NLGN4X: variants seen among roughly 807,000 people sequenced by gnomAD.
NLGN4X encodes neuroligin-4, X-linked.
Under a neutral mutation model 40.3 loss-of-function variants are expected in NLGN4X, and 3 were observed. The observed-to-expected ratio is 0.07, with a 90% CI of 0.03 to 0.19. The LOEUF (loss-of-function observed/expected upper bound fraction) is 0.19. Ranked by LOEUF, NLGN4X falls within the 10% of genes least tolerant of loss-of-function variation. NLGN4X has a pLI of 1.00. For missense variants in NLGN4X, 382 were observed against 708.3 expected, an observed-to-expected ratio of 0.54 and a Z score of 5.23; for synonymous variants, 270 against 306.8, an observed-to-expected ratio of 0.88 and a Z score of 1.25.
At chrX:5,920,811 G>C (rs2033000328) in intron 3 of NLGN4X, among the ~76,000 whole-genome samples, 1 of 110,940 alleles carries the variant, frequency 9.0e-6, no homozygotes, top group Non-Finnish European at 1.9e-5. Flanking sequence ...CCAAATGATT[G>C]AATCAATCCC....
chrX:6,166,842 C>G (rs923681239), intron 1 of NLGN4X, among the ~76,000 whole-genome samples: 2 of 110,339 alleles, frequency 1.8e-5, no homozygotes, highest in African/African-American at 6.6e-5. Context: ...GAGGCTGAGG[C>G]GGGAGGATCA....
intron 3 of NLGN4X, among the ~76,000 whole-genome samples, chrX:5,943,460 C>A (rs769531101): frequency 8.9e-6 from 1 of 111,824 alleles, no homozygotes; most frequent in African/African-American, 3.2e-5. Flanking sequence ...ATAACAAATG[C>A]GTGTGTTTTA....
At chrX:6,124,239 C>A (rs1418116681) in intron 2 of NLGN4X, among the ~76,000 whole-genome samples, 1 of 111,032 alleles carries the variant, frequency 9.0e-6, no homozygotes, top group Non-Finnish European at 1.9e-5. Flanking sequence ...TATATAAGTA[C>A]ATTTTATATA....
At chrX:6,168,205 C>G (rs1346129039) in intron 1 of NLGN4X, among the ~76,000 whole-genome samples, 1 of 111,806 alleles carries the variant, frequency 8.9e-6, no homozygotes, top group Non-Finnish European at 1.9e-5. Context: ...TTTCAATTGG[C>G]CCACCCCAGA....
chrX:5,894,759 T>C (rs2031396305), intron 5 of NLGN4X, among the ~76,000 whole-genome samples: 1 of 112,630 alleles, frequency 8.9e-6, no homozygotes, highest in African/African-American at 3.2e-5. Flanking sequence ...TCTTCCATTT[T>C]TTTTATGGCT....
intron 2 of NLGN4X, among the ~76,000 whole-genome samples, chrX:6,072,101 A>G (rs2038078623): frequency 9.0e-6 from 1 of 111,237 alleles, no homozygotes; most frequent in Admixed American, 9.6e-5. Context: ...ATGGACTGCA[A>G]CAGAAAGCTG....
At chrX:6,036,161 TA>T (rs1569199919) in intron 2 of NLGN4X, among the ~76,000 whole-genome samples, 2 of 111,830 alleles carry the variant, frequency 1.8e-5, no homozygotes, top group Non-Finnish European at 3.8e-5. Context: ...TAGTACCTTT[TA>T]AAATAGAGAA....
In NLGN4X at chrX:5,957,948, T is replaced by C. The variant is rs72627588; in HGVS notation, c.626-48709A>G. Among the ~76,000 whole-genome samples the C allele has an allele frequency of 6.6e-4, 74 of 112,649 alleles. No homozygotes were observed. The East Asian group carries it at 0.018, about 28-fold the overall frequency. On this transcript the variant is annotated intron_variant, in intron 3 of 5. Transcript: ENST00000381095. ...GTGAAGCATTTCTGCTTTATTGTAT[T>C]TTTTCTAAAGACTTCCTTTTAAATT...
intron 2 of NLGN4X, among the ~76,000 whole-genome samples, chrX:6,136,146 A>G (rs932807880): frequency 1.8e-5 from 2 of 111,919 alleles, no homozygotes; most frequent in Non-Finnish European, 3.8e-5. Context: ...TGGTGCTATC[A>G]TAGCTCACTG....
chrX:6,207,662 G>T (rs998150565), intron 1 of NLGN4X, among the ~76,000 whole-genome samples: 12 of 112,072 alleles, frequency 1.1e-4, no homozygotes, highest in Non-Finnish European at 1.7e-4. Flanking sequence ...TGACTAGTTG[G>T]TGAGTATCTC....
At chrX:6,191,893 G>C (rs753845217) in intron 1 of NLGN4X, among the ~76,000 whole-genome samples, 12 of 111,799 alleles carry the variant, frequency 1.1e-4, no homozygotes, top group Non-Finnish European at 2.1e-4. Context: ...CTTCAGAAAA[G>C]TCGATTAACC....
chrX:6,077,292 G>C (rs548663652), intron 2 of NLGN4X, among the ~76,000 whole-genome samples: 2 of 99,128 alleles, frequency 2.0e-5, no homozygotes, highest in Non-Finnish European at 4.3e-5. Context: ...GTGTGTGTGT[G>C]TGTCTGTGTG....
At chrX:6,207,923 C>T (rs951329687) in intron 1 of NLGN4X, among the ~76,000 whole-genome samples, 16 of 111,888 alleles carry the variant, frequency 1.4e-4, no homozygotes, top group Non-Finnish European at 1.5e-4. Flanking sequence ...TGAATCTCTG[C>T]GGTTAATAAT....
At chrX:6,004,803 C>T (rs1005534358) in intron 3 of NLGN4X, among the ~76,000 whole-genome samples, 22 of 111,932 alleles carry the variant, frequency 2.0e-4, no homozygotes, top group Non-Finnish European at 1.1e-4. Context: ...AAAAGGCATG[C>T]TTTTGAATAT....
chrX:6,043,148 CACACACACACAA>C (rs1318880564), intron 2 of NLGN4X, among the ~76,000 whole-genome samples: 4 of 104,054 alleles, frequency 3.8e-5, no homozygotes, highest in Non-Finnish European at 7.9e-5. Context: ...CACACACACA[CACACACACACAA>C]ACACACGTAT....
At chrX:5,987,608 G>A (rs2035565462) in intron 3 of NLGN4X, among the ~76,000 whole-genome samples, 1 of 112,090 alleles carries the variant, frequency 8.9e-6, no homozygotes, top group African/African-American at 3.2e-5. Flanking sequence ...TTAACCTCAT[G>A]CATCTATTAT....
intron 2 of NLGN4X, among the ~76,000 whole-genome samples, chrX:6,068,654 T>A (rs937777514): frequency 8.9e-6 from 1 of 112,096 alleles, no homozygotes. Context: ...AATAGCTCAT[T>A]CAGAAATGAA....
At chrX:6,182,874 C>T (rs115973119) in intron 1 of NLGN4X, among the ~76,000 whole-genome samples, 1,412 of 112,311 alleles carry the variant, frequency 0.013, 29 homozygotes, top group African/African-American at 0.043. Context: ...CCTCCAGAAC[C>T]ATGTTTACCA....
At chrX:6,113,567 C>T (rs2039201754) in intron 2 of NLGN4X, among the ~76,000 whole-genome samples, 1 of 109,962 alleles carries the variant, frequency 9.1e-6, no homozygotes, top group Admixed American at 9.8e-5. Flanking sequence ...AAACTTACAA[C>T]ATTGCAATAA....
Sources: allele counts gnomAD v4.1 joint callset (sites outside exome capture counted in the v4.1 genomes callset), GRCh38; gene constraint gnomAD v4.1.1; transcripts MANE v1.5; gene names NCBI Gene and HGNC (gene_info 2026-07-23, HGNC 2026-07-21).